WDR59: variants seen among roughly 807,000 people sequenced by gnomAD.
The protein encoded by WDR59 is GATOR2 complex protein WDR59.
A neutral mutation model predicts 131.2 loss-of-function variants in WDR59; 100 were observed. The observed-to-expected ratio is 0.76, with a 90% CI of 0.65 to 0.90. WDR59 has a LOEUF of 0.90. Among genes scored for constraint, WDR59 ranks in the 40% least tolerant of loss-of-function variants. WDR59 has a pLI of 0.00. For missense variants in WDR59, 1,203 were observed against 1,262.2 expected, an observed-to-expected ratio of 0.95 and a Z score of 0.71; for synonymous variants, 601 against 466.2, an observed-to-expected ratio of 1.29 and a Z score of -3.72.
intron 25 of WDR59, among the ~76,000 whole-genome samples, chr16:74,882,807 C>CAAAAAAAAAAAAAAAAAAAA (rs569507124): frequency 1.9e-4 from 10 of 51,418 alleles, no homozygotes; most frequent in Admixed American, 6.9e-4. Flanking sequence ...AACACTGTCT[C>CAAAAAAAAAAAAAAAAAAAA]AAAAAAAAAA....
chr16:74,902,627 T>C (rs112888906), intron 18 of WDR59, among the ~76,000 whole-genome samples: 497 of 152,230 alleles, frequency 3.3e-3, no homozygotes, highest in South Asian at 0.017. Flanking sequence ...AATTCAGAAC[T>C]GCCTCTTGGA....
chr16:74,949,576 T>C, intron 5 of WDR59, 142 bp downstream of exon 5: 2 of 667,816 alleles, frequency 3.0e-6, no homozygotes, highest in South Asian at 3.7e-5. Context: ...CACTCTCAAA[T>C]AATATATTTG....
chr16:74,916,092 G>A, intron 12 of WDR59, 35 bp downstream of exon 12: 3 of 1,614,150 alleles, frequency 1.9e-6, no homozygotes, highest in Non-Finnish European at 2.5e-6. Flanking sequence ...TGCGTAGAGT[G>A]GCACCTTACC....
chr16:74,900,916 C>T (rs556906094), intron 18 of WDR59, among the ~76,000 whole-genome samples: 8 of 152,308 alleles, frequency 5.3e-5, no homozygotes, highest in South Asian at 4.1e-4. Flanking sequence ...GTCAGGAGTT[C>T]GAGACCAGCG....
chr16:74,902,134 A>G (rs1247050322), intron 18 of WDR59, among the ~76,000 whole-genome samples: 1 of 152,114 alleles, frequency 6.6e-6, no homozygotes, highest in East Asian at 1.9e-4. Flanking sequence ...ACTATACACA[A>G]CTTTGATTTG....
At chr16:74,891,994 A>G (rs758761612) in intron 20 of WDR59, among the ~76,000 whole-genome samples, 16 of 152,222 alleles carry the variant, frequency 1.1e-4, no homozygotes, top group Non-Finnish European at 2.1e-4. Context: ...TAGATGGGCT[A>G]TATCTCAGTT....
intron 7 of WDR59, among the ~76,000 whole-genome samples, chr16:74,938,883 A>G: frequency 6.6e-6 from 1 of 151,670 alleles, no homozygotes; most frequent in Non-Finnish European, 1.5e-5. Flanking sequence ...CGTCTCCCCC[A>G]TGATCACCCA....
intron 8 of WDR59, among the ~76,000 whole-genome samples, chr16:74,933,473 T>C (rs80138081): frequency 0.015 from 2,252 of 149,854 alleles, 57 homozygotes; most frequent in African/African-American, 0.053. Context: ...ATGAATCATA[T>C]GCCTAAATCC....
chr16:74,933,718 C>A (rs1244380754), intron 8 of WDR59, among the ~76,000 whole-genome samples: 1 of 152,172 alleles, frequency 6.6e-6, no homozygotes, highest in Non-Finnish European at 1.5e-5. Flanking sequence ...ACCCAACTAG[C>A]TGGGATTACA....
intron 2 of WDR59, chr16:74,959,519 G>A (rs1399145273): frequency 4.4e-6 from 2 of 453,476 alleles, no homozygotes; most frequent in Non-Finnish European, 8.9e-6. Context: ...AACTCTTAGT[G>A]CTGCAGGCCG....
Position 74,947,764 on chromosome 16 carries a change from T to C in WDR59, c.445+755A>G, listed in dbSNP as rs139045918. ...TACTTGTTGAAGAAATGATAAGATA[T>C]GTAGCTTCAAAATAATCACAAGAGG... On this transcript the variant is annotated intron_variant, in intron 6 of 25. Coordinates refer to ENST00000262144, the MANE Select transcript of WDR59 (RefSeq NM_030581.4). Among the ~76,000 whole-genome samples the C allele has an allele frequency of 1.2e-3, 178 of 152,152 alleles. 1 individual carries two copies. Among genetic ancestry groups the C allele is most frequent in the Non-Finnish European group, 1.8e-3 (120 of 67,996 alleles).
chr16:74,911,825 T>C (rs1966108170), intron 14 of WDR59, among the ~76,000 whole-genome samples: 1 of 152,242 alleles, frequency 6.6e-6, no homozygotes. Flanking sequence ...TGAAATTGGA[T>C]TGCAAATCTC....
chr16:74,945,631 C>A (rs976839136), intron 6 of WDR59, among the ~76,000 whole-genome samples: 2 of 151,960 alleles, frequency 1.3e-5, no homozygotes, highest in Non-Finnish European at 2.9e-5. Context: ...CAGGTGGTGG[C>A]GGGGGGCAGA....
chr16:74,967,720 A>G (rs2033829499), intron 1 of WDR59, among the ~76,000 whole-genome samples: 1 of 151,964 alleles, frequency 6.6e-6, no homozygotes, highest in Admixed American at 6.6e-5. Flanking sequence ...TTAGCCGGGC[A>G]TGGTGGCAGG....
intron 25 of WDR59, among the ~76,000 whole-genome samples, 173 bp from the exon 26 acceptor site, chr16:74,874,617 C>A (rs1434425978): frequency 6.6e-6 from 1 of 152,076 alleles, no homozygotes; most frequent in Non-Finnish European, 1.5e-5. Context: ...CTTTTTGAGA[C>A]AGAGTTTCAC....
intron 13 of WDR59, among the ~76,000 whole-genome samples, chr16:74,913,306 C>G (rs894326592): frequency 6.6e-6 from 1 of 151,514 alleles, no homozygotes; most frequent in African/African-American, 2.4e-5. Flanking sequence ...ACTTTGTCAC[C>G]CAGGCTGGAG....
intron 6 of WDR59, among the ~76,000 whole-genome samples, chr16:74,946,132 T>C (rs1490720706): frequency 3.9e-5 from 6 of 152,192 alleles, no homozygotes; most frequent in African/African-American, 1.4e-4. Context: ...ATAACCTTTA[T>C]TGCGGTACAG....
intron 6 of WDR59, among the ~76,000 whole-genome samples, chr16:74,945,556 T>C (rs2032564926): frequency 6.6e-6 from 1 of 152,022 alleles, no homozygotes; most frequent in Non-Finnish European, 1.5e-5. Context: ...GTAGACCACC[T>C]GTATTTCTAT....
At chr16:74,911,688 T>A (rs1007736637) in intron 14 of WDR59, among the ~76,000 whole-genome samples, 4 of 152,132 alleles carry the variant, frequency 2.6e-5, no homozygotes, top group Non-Finnish European at 4.4e-5. Flanking sequence ...TGGGATAAAA[T>A]TTTTTTTATG....
Sources: gnomAD v4.1 joint callset for allele counts (sites outside exome capture counted in the v4.1 genomes callset) on GRCh38, gnomAD v4.1.1 for gene constraint, MANE v1.5 for transcripts, NCBI Gene and HGNC (gene_info 2026-07-23, HGNC 2026-07-21) for gene names.